PNPLA6: variants seen among roughly 807,000 people sequenced by gnomAD.
The protein encoded by PNPLA6 is patatin-like phospholipase domain-containing protein 6.
Under a neutral mutation model 153.7 loss-of-function variants are expected in PNPLA6, and 105 were observed. The observed-to-expected ratio is 0.68, with a 90% CI of 0.58 to 0.80. The LOEUF (loss-of-function observed/expected upper bound fraction) is 0.80. Among genes scored for constraint, PNPLA6 ranks in the 30% least tolerant of loss-of-function variants. The pLI, the probability that PNPLA6 is intolerant of heterozygous loss-of-function variation, is 0.00. For missense variants in PNPLA6, 1,423 were observed against 1,919.3 expected, an observed-to-expected ratio of 0.74 and a Z score of 4.83; for synonymous variants, 825 against 822.2, an observed-to-expected ratio of 1.00 and a Z score of -0.06.
chr19:7,550,697 A>G (rs2023604642), intron 16 of PNPLA6, 57 bp downstream of exon 16: 1 of 1,598,810 alleles, frequency 6.3e-7, no homozygotes, highest in African/African-American at 1.3e-5. Context: ...TCCCTCGACA[A>G]CTCACACACA....
At chr19:7,548,405 C>CA (rs111556976) in intron 13 of PNPLA6, among the ~76,000 whole-genome samples, 1,731 of 145,192 alleles carry the variant, frequency 0.012, 24 homozygotes, top group Middle Eastern at 0.053. Context: ...AAAAAAATCG[C>CA]AAAAAAAAAA....
intron 21 of PNPLA6, 58 bp downstream of exon 21, chr19:7,554,781 G>A (rs1194998294): frequency 2.5e-6 from 4 of 1,597,786 alleles, no homozygotes; most frequent in Admixed American, 1.7e-5. Context: ...TTGCCCTCCC[G>A]TGCCTGCACC....
In PNPLA6 at chr19:7,558,890, C is replaced by T; in HGVS notation, c.3438C>T (p.Ala1146=). 1 of 1,613,612 alleles carries T rather than the reference C, an allele frequency of 6.2e-7. No homozygotes were observed. The highest frequency in any genetic ancestry group is 1.1e-5 in the South Asian group (1 of 91,078). The change falls in exon 28 of 32, where the codon GCC becomes GCT. Residue 1146 remains alanine (A), a synonymous_variant. Transcript: ENST00000600737. ...GCATGGGTGCCAAAACGGTCATCGCCATTGACGTGGGGAGCCAGGATGAGA... is the reference window on the plus strand; with the variant it reads ...GCATGGGTGCCAAAACGGTCATCGCTATTGACGTGGGGAGCCAGGATGAGA... ...ARSMGAKTVI[A]IDVGSQDETD... is the part of the protein sequence containing the mutation.
At chr19:7,538,048 T>A (rs891035905) in intron 3 of PNPLA6, among the ~76,000 whole-genome samples, 1 of 152,166 alleles carries the variant, frequency 6.6e-6, no homozygotes, top group East Asian at 1.9e-4. Flanking sequence ...CTGTCTGTAG[T>A]GTTTGCACAC....
At chr19:7,561,447 T>C in intron 31 of PNPLA6, 41 bp from the exon 32 acceptor site, 1 of 1,535,110 alleles carries the variant, frequency 6.5e-7, no homozygotes, top group Middle Eastern at 2.0e-4. Context: ...GACGCATCAG[T>C]GTCCCGTGCT....
At chr19:7,536,860 G>A (rs2022894511) in intron 3 of PNPLA6, among the ~76,000 whole-genome samples, 1 of 150,128 alleles carries the variant, frequency 6.7e-6, no homozygotes, top group African/African-American at 2.5e-5. Flanking sequence ...CTGGGAGGTG[G>A]AGGTTGCAGT....
At position 7,542,689 on chromosome 19, in the gene PNPLA6, C is replaced by G. The variant is rs2146060679; in HGVS notation, c.1362+19C>G. 1 of 1,612,244 alleles carries G rather than the reference C, an allele frequency of 6.2e-7. No individual in the cohort carries two copies. Among genetic ancestry groups the G allele is most frequent in the Non-Finnish European group, 8.5e-7 (1 of 1,179,420 alleles). ...CGCTCGGGTAAGGCTTGGGACCCTG[C>G]CCGGTGGTGGAGCCCGCAGGGGAAG... On this transcript the variant is annotated intron_variant, in intron 11 of 31. Transcript: ENST00000600737.
chr19:7,560,698 C>T lies in PNPLA6; in HGVS notation c.3750C>T (p.Gly1250=), dbSNP rs1201969191. 1 of 1,613,972 alleles carries T rather than the reference C, an allele frequency of 6.2e-7. No homozygotes were observed. The highest frequency in any genetic ancestry group is 2.2e-5 in the East Asian group (1 of 44,884). ...CGGTGTTTGGAGGCTGGAGCCGTGG[C>T]AACGTCATTGAGAAAATGCTCACAG... The part of the protein sequence containing the change: ...GKAVFGGWSR[G]NVIEKMLTDR... The change falls in exon 29 of 32, where the codon GGC becomes GGT. Residue 1250 remains glycine, a synonymous_variant. Transcript: ENST00000600737.
chr19:7,554,051 G>A (rs1470107431), intron 19 of PNPLA6, 36 bp downstream of exon 19: 1 of 1,594,802 alleles, frequency 6.3e-7, no homozygotes, highest in Non-Finnish European at 8.6e-7. Flanking sequence ...GGGGCTGGCG[G>A]TGGGTGGGAC....
At chr19:7,560,459 T>C in intron 28 of PNPLA6, 189 bp from the exon 29 acceptor site, 2 of 655,102 alleles carry the variant, frequency 3.1e-6, no homozygotes, top group Non-Finnish European at 5.6e-6. Flanking sequence ...TGATTGGTAA[T>C]GTCTGTCAAG....
intron 18 of PNPLA6, among the ~76,000 whole-genome samples, chr19:7,552,704 G>A (rs1260329853): frequency 1.4e-5 from 2 of 143,788 alleles, no homozygotes; most frequent in Non-Finnish European, 3.0e-5. Context: ...GCAGTGAGCC[G>A]AGCCTACGCC....
Position 7,540,112 on chromosome 19 carries a change from G to T in PNPLA6, c.555-37G>T. The T allele has an allele frequency of 6.2e-7, 1 of 1,613,622 alleles. No individual in the cohort carries two copies. The highest frequency in any genetic ancestry group is 8.5e-7 in the Non-Finnish European group (1 of 1,180,012). ...AGGGCTGCAGACGTGGGGCCGCCCT[G>T]ACCTCCAGCCTCTGTCGCCCACCGC... On this transcript the variant is annotated intron_variant, in intron 4 of 31. Transcript: ENST00000600737. This position sits in a 1 kb window ranked among gnomAD's most constrained non-coding sequence, Gnocchi z 6.8.
intron 29 of PNPLA6, 23 bp downstream of exon 29, chr19:7,560,787 G>T (rs1427461046): frequency 6.9e-7 from 1 of 1,442,504 alleles, no homozygotes; most frequent in Non-Finnish European, 9.8e-7. Flanking sequence ...TGCCCCCAGG[G>T]CCACTCTGAC....
Position 7,551,113 on chromosome 19 carries a change from G to T in PNPLA6, c.2184+6G>T. The T allele has an allele frequency of 6.5e-7, 1 of 1,531,202 alleles. No homozygotes were observed. The highest frequency in any genetic ancestry group is 1.4e-5 in the African/African-American group (1 of 72,594). The allele number at this position is 1,531,202 out of a possible 1,614,324, so 94.9% of individuals were successfully genotyped here. A position where few individuals can be genotyped will look rare whatever the true frequency, so the allele number is the denominator to read the frequency against. ...TCAAACGCCGGTACCCGCAGGTGCG[G>T]CCTGTTGTGGGCGGGGCAGAGAGGC... is the stretch of plus-strand genomic sequence containing the variant. On this transcript the variant is annotated splice_donor_region_variant and intron_variant, in intron 17 of 31. Transcript: ENST00000600737.
intron 18 of PNPLA6, 49 bp downstream of exon 18, chr19:7,551,486 C>G: frequency 1.4e-6 from 2 of 1,474,030 alleles, no homozygotes; most frequent in Non-Finnish European, 1.9e-6. Context: ...GTCCGGCGTC[C>G]AGAGCATGCT....
chr19:7,547,484 G>T (rs2023431993), intron 13 of PNPLA6, among the ~76,000 whole-genome samples: 1 of 152,090 alleles, frequency 6.6e-6, no homozygotes, highest in Non-Finnish European at 1.5e-5. Flanking sequence ...TTTTTATTCA[G>T]ATCTTTTGCC....
rs578110147 is a variant in PNPLA6, at chr19:7,547,058, C to A, written c.1609-2849C>A. ...TAGCTGGGATTACAGGCACACGCTGCCACGCCCAGCTAATTTTTGTATTTT... is the reference window on the plus strand; with the variant it reads ...TAGCTGGGATTACAGGCACACGCTGACACGCCCAGCTAATTTTTGTATTTT... On this transcript the variant is annotated intron_variant, in intron 13 of 31. Coordinates refer to ENST00000600737, the MANE Select transcript of PNPLA6 (RefSeq NM_001166114.2). 5.9e-5 allele frequency among the ~76,000 whole-genome samples: 9 copies of A among 152,172 alleles called. No homozygotes were observed. The South Asian group carries it at 1.9e-3, about 32-fold the overall frequency.
rs750630063 is a variant in PNPLA6 at position 7,541,463 on chromosome 19, G to T, written c.1005+29G>T. On this transcript the variant is annotated intron_variant, in intron 8 of 31. Coordinates refer to ENST00000600737, the MANE Select transcript of PNPLA6 (RefSeq NM_001166114.2). The surrounding 1 kb of genome is among the most constrained non-coding windows in gnomAD (Gnocchi z 5.2). The stretch of plus-strand genomic sequence containing the variant: ...AGTGGGTGGCGGGGAGCGAGCACAG[G>T]GGGGATGGGGGCGAGGTCTCCCTCC... 10 of 1,612,686 alleles carry T rather than the reference G, an allele frequency of 6.2e-6. No homozygotes were observed. The highest frequency in any genetic ancestry group is 3.3e-5 in the Admixed American group (2 of 59,942).
At position 7,541,979 on chromosome 19, in the gene PNPLA6, C is replaced by T. The variant is rs746060171; in HGVS notation, c.1169-5C>T. On this transcript the variant is annotated splice_region_variant and splice_polypyrimidine_tract_variant and intron_variant, in intron 9 of 31. Coordinates refer to ENST00000600737, the MANE Select transcript of PNPLA6 (RefSeq NM_001166114.2). The surrounding 1 kb of genome is among the most constrained non-coding windows in gnomAD (Gnocchi z 5.2). ...GGCAGGAGCCTGAACATGTGTCTCC[C>T]CCAGGGGACCCTGTGAAGCCCACAT... 1.2e-6 allele frequency: 2 copies of T among 1,607,256 alleles called. No individual in the cohort carries two copies. Among genetic ancestry groups the T allele is most frequent in the East Asian group, 2.2e-5 (1 of 44,874 alleles).
Sources: gnomAD v4.1 joint callset for allele counts (sites outside exome capture counted in the v4.1 genomes callset) on GRCh38, gnomAD v4.1.1 for gene constraint, Gnocchi (gnomAD v3.1) non-coding constraint, MANE v1.5 for transcripts, NCBI Gene and HGNC (gene_info 2026-07-23, HGNC 2026-07-21) for gene names.